Variants in CACNB4 observed in about 807,000 individuals in gnomAD.
The protein encoded by CACNB4 is calcium voltage-gated channel auxiliary subunit beta 4, also known as voltage-dependent L-type calcium channel subunit beta-4.
Under a neutral mutation model 71.2 loss-of-function variants are expected in CACNB4, and 32 were observed. The observed-to-expected ratio is 0.45, with a 90% CI of 0.34 to 0.60. The LOEUF (loss-of-function observed/expected upper bound fraction) is 0.60. Ranked by LOEUF, CACNB4 falls within the 20% of genes least tolerant of loss-of-function variation. The probability of loss-of-function intolerance (pLI) is 0.01; values close to 1 mark genes in which losing one functional copy is unlikely to be tolerated. For synonymous variants in CACNB4, 231 were observed against 236.9 expected (o/e 0.97, Z 0.23); for missense variants, 464 against 647.9 (o/e 0.72, Z 3.08).
chr2:151,954,997 G>T (rs1250297190), intron 2 of CACNB4, among the ~76,000 whole-genome samples: 1 of 151,804 alleles, frequency 6.6e-6, no homozygotes, highest in Non-Finnish European at 1.5e-5. Flanking sequence ...GGGACTACAG[G>T]CACCCGCCAC....
rs531103208 is a variant in CACNB4 at position 152,032,950 on chromosome 2, T to C, written c.147+65380A>G. 8.3e-3 allele frequency among the ~76,000 whole-genome samples: 537 copies of C among 64,564 alleles called. 9 individuals carry two copies. Among genetic ancestry groups the C allele is most frequent in the Non-Finnish European group, 7.1e-3 (170 of 23,844 alleles). 42.4% of individuals were successfully genotyped at this position (64,564 alleles called of 152,430 possible). A position where few individuals can be genotyped will look rare whatever the true frequency, so the allele number is the denominator to read the frequency against. On this transcript the variant is annotated intron_variant, in intron 2 of 13. Coordinates refer to ENST00000539935, the MANE Select transcript of CACNB4 (RefSeq NM_000726.5). Reference sequence around the variant, plus strand: ...GCCCGGGCAATAGAGCAAGACCCTGTCTCTTAAAAAAAAAATAAATAAATA... The same window carrying C: ...GCCCGGGCAATAGAGCAAGACCCTGCCTCTTAAAAAAAAAATAAATAAATA...
chr2:152,005,456 T>A (rs1241026440), intron 2 of CACNB4, among the ~76,000 whole-genome samples: 1 of 151,990 alleles, frequency 6.6e-6, no homozygotes, highest in African/African-American at 2.4e-5. Context: ...CACTTATAAG[T>A]GAGAGCTAAA....
intron 2 of CACNB4, among the ~76,000 whole-genome samples, chr2:151,974,972 A>G (rs1019748266): frequency 2.0e-5 from 3 of 152,244 alleles, no homozygotes; most frequent in Non-Finnish European, 4.4e-5. Context: ...GTAATGACCC[A>G]GAAACTCAGA....
chr2:151,980,787 T>C (rs2099874585), intron 2 of CACNB4, among the ~76,000 whole-genome samples: 1 of 152,258 alleles, frequency 6.6e-6, no homozygotes, highest in African/African-American at 2.4e-5. Context: ...ATGGTCCTGT[T>C]CAGATTCAGA....
intron 2 of CACNB4, among the ~76,000 whole-genome samples, chr2:151,902,289 C>A (rs915455192): frequency 1.3e-5 from 2 of 152,074 alleles, no homozygotes; most frequent in Non-Finnish European, 2.9e-5. Context: ...ATTCAGCATC[C>A]CAAAGTATGG....
At chr2:151,895,858 T>TA (rs1373583656) in intron 2 of CACNB4, among the ~76,000 whole-genome samples, 1 of 151,414 alleles carries the variant, frequency 6.6e-6, no homozygotes, top group Non-Finnish European at 1.5e-5. Context: ...TTTTTTTTTT[T>TA]TTTAGATGGA....
chr2:151,855,503 CCTGT>C, intron 10 of CACNB4, 128 bp from the exon 11 acceptor site: 2 of 693,842 alleles, frequency 2.9e-6, no homozygotes, highest in Non-Finnish European at 4.4e-6. Context: ...TTTTCATAGT[CCTGT>C]CTAATTTAAG....
intron 2 of CACNB4, among the ~76,000 whole-genome samples, chr2:151,989,528 G>C (rs564423201): frequency 9.9e-5 from 15 of 152,170 alleles, no homozygotes; most frequent in African/African-American, 1.9e-4. Flanking sequence ...GGCTCTCCAT[G>C]GTTTCTCTTC....
chr2:151,953,601 A>C (rs1213481571), intron 2 of CACNB4, among the ~76,000 whole-genome samples: 1 of 152,236 alleles, frequency 6.6e-6, no homozygotes, highest in East Asian at 1.9e-4. Flanking sequence ...GTCCAAATCC[A>C]AACAGTTAGT....
At chr2:151,992,164 C>T (rs1032374333) in intron 2 of CACNB4, among the ~76,000 whole-genome samples, 1 of 152,200 alleles carries the variant, frequency 6.6e-6, no homozygotes, top group Non-Finnish European at 1.5e-5. Context: ...AACCGTGAGG[C>T]AGAAGAGAGA....
chr2:151,886,257 G>A (rs1038531220), intron 2 of CACNB4, among the ~76,000 whole-genome samples: 3 of 152,194 alleles, frequency 2.0e-5, no homozygotes, highest in Non-Finnish European at 4.4e-5. Context: ...ACTGTGGTAC[G>A]TAAGTCAGGA....
chr2:151,928,969 C>T (rs1431059428), intron 2 of CACNB4, among the ~76,000 whole-genome samples: 1 of 151,572 alleles, frequency 6.6e-6, no homozygotes, highest in African/African-American at 2.4e-5. Context: ...ACTGTCTGAA[C>T]TCAACAAATA....
At chr2:151,905,677 C>A (rs2099854622) in intron 2 of CACNB4, among the ~76,000 whole-genome samples, 1 of 152,166 alleles carries the variant, frequency 6.6e-6, no homozygotes, top group South Asian at 2.1e-4. Flanking sequence ...TTATTCTTCA[C>A]AACTCAAGAA....
In CACNB4 at chr2:151,981,247, C is replaced by T. The variant is rs184013175; in HGVS notation, c.148-97877G>A. Among the ~76,000 whole-genome samples, 106 of 152,298 alleles carry T rather than the reference C, an allele frequency of 7.0e-4. 1 individual carries two copies. Among genetic ancestry groups the T allele is most frequent in the Non-Finnish European group, 2.6e-4 (18 of 68,026 alleles). On this transcript the variant is annotated intron_variant, in intron 2 of 13. Transcript: ENST00000539935. ...AGCTTCACACCCCACATGCTTCATT[C>T]CATAGAAGATCCTCAACAAATATTG...
chr2:151,958,038 G>C (rs1209233710), intron 2 of CACNB4, among the ~76,000 whole-genome samples: 2 of 152,148 alleles, frequency 1.3e-5, no homozygotes, highest in African/African-American at 2.4e-5. Flanking sequence ...TGGGTGCTGT[G>C]AATCTTTTGA....
At chr2:151,845,096 G>A (rs1030530027) in intron 12 of CACNB4, among the ~76,000 whole-genome samples, 26 of 152,180 alleles carry the variant, frequency 1.7e-4, no homozygotes, top group Admixed American at 1.3e-3. Context: ...CTACTTGGCC[G>A]TTCTACTTGT....
intron 2 of CACNB4, among the ~76,000 whole-genome samples, chr2:151,947,332 G>C (rs1282478993): frequency 6.6e-6 from 1 of 152,110 alleles, no homozygotes; most frequent in Non-Finnish European, 1.5e-5. Context: ...GGAACTTAGG[G>C]GGCAAAGAAG....
intron 2 of CACNB4, among the ~76,000 whole-genome samples, chr2:151,938,657 A>T (rs997082596): frequency 1.4e-4 from 22 of 152,170 alleles, no homozygotes; most frequent in Admixed American, 3.3e-4. Context: ...AGATTTTTTT[A>T]AAAAACCAAT....
intron 9 of CACNB4, chr2:151,867,681 C>T (rs1446855637): frequency 6.6e-6 from 1 of 152,198 alleles, no homozygotes; most frequent in African/African-American, 2.4e-5. Flanking sequence ...ATCTCCTCTT[C>T]CTCCTGGACT....
Sources: allele counts gnomAD v4.1 joint callset (sites outside exome capture counted in the v4.1 genomes callset), GRCh38; gene constraint gnomAD v4.1.1; transcripts MANE v1.5; gene names NCBI Gene and HGNC (gene_info 2026-07-23, HGNC 2026-07-21).